The following RALY variants were observed in gnomAD, a reference collection of about 807,000 sequenced individuals.
RALY encodes RALY heterogeneous nuclear ribonucleoprotein, also known as RNA-binding protein Raly.
In RALY, 15 loss-of-function variants were observed where a neutral mutation model predicts 30.7. That is an observed-to-expected ratio of 0.49 (90% CI 0.33 to 0.75). RALY has a LOEUF of 0.75. Among genes scored for constraint, RALY ranks in the 30% least tolerant of loss-of-function variants. RALY has a pLI of 0.02. For synonymous variants in RALY, 177 were observed against 170.8 expected (o/e 1.04, Z -0.28); for missense variants, 339 against 414.3 (o/e 0.82, Z 1.58).
At chr20:34,015,812 C>T (rs1310281162) in intron 1 of RALY, among the ~76,000 whole-genome samples, 2 of 152,028 alleles carry the variant, frequency 1.3e-5, no homozygotes, top group Non-Finnish European at 2.9e-5. Context: ...CTACTTTTCC[C>T]CATCCCTACA....
chr20:34,079,233 G>A (rs957470855), intron 9 of RALY, among the ~76,000 whole-genome samples: 1 of 152,190 alleles, frequency 6.6e-6, no homozygotes, highest in African/African-American at 2.4e-5. Flanking sequence ...GCTGATGATT[G>A]TACCAATATA....
At chr20:34,057,520 A>G (rs964136107) in intron 2 of RALY, among the ~76,000 whole-genome samples, 2 of 152,148 alleles carry the variant, frequency 1.3e-5, no homozygotes, top group African/African-American at 2.4e-5. Flanking sequence ...ACAAAAAATT[A>G]GCTGGGCATG....
intron 4 of RALY, 72 bp downstream of exon 4, chr20:34,073,707 G>A: frequency 1.3e-6 from 2 of 1,542,380 alleles, no homozygotes; most frequent in Admixed American, 3.3e-5. Flanking sequence ...AAATGCTGGT[G>A]TGACAGTGTG....
At chr20:34,014,244 C>T (rs1464579797) in intron 1 of RALY, among the ~76,000 whole-genome samples, 1 of 151,920 alleles carries the variant, frequency 6.6e-6, no homozygotes, top group Non-Finnish European at 1.5e-5. Context: ...TGTTAAAGGA[C>T]GCGTATGTAG....
At chr20:34,072,009 G>C in intron 2 of RALY, 57 bp from the exon 3 acceptor site, 1 of 1,578,360 alleles carries the variant, frequency 6.3e-7, no homozygotes, top group Non-Finnish European at 8.6e-7. Flanking sequence ...TATGGGCCGT[G>C]GGCAGTCCTT....
At chr20:34,005,333 AC>A (rs2031109741) in intron 1 of RALY, among the ~76,000 whole-genome samples, 1 of 151,804 alleles carries the variant, frequency 6.6e-6, no homozygotes, top group Admixed American at 6.6e-5. Context: ...GAGTAGTGAA[AC>A]CCCGTCTCTA....
intron 8 of RALY, among the ~76,000 whole-genome samples, chr20:34,078,053 A>T (rs1177366774): frequency 6.6e-6 from 1 of 152,222 alleles, no homozygotes; most frequent in Admixed American, 6.5e-5. Context: ...GTGAGAACAG[A>T]TGGGCTCATG....
At chr20:34,043,981 A>G (rs2032789159) in intron 2 of RALY, among the ~76,000 whole-genome samples, 1 of 152,064 alleles carries the variant, frequency 6.6e-6, no homozygotes, top group East Asian at 1.9e-4. Flanking sequence ...AGAAGAGGTA[A>G]TATTTGAGTT....
chr20:34,013,574 T>A (rs1167845633), intron 1 of RALY, among the ~76,000 whole-genome samples: 1 of 152,162 alleles, frequency 6.6e-6, no homozygotes, highest in Non-Finnish European at 1.5e-5. Context: ...CAGACTCCTG[T>A]TTATCTTTCA....
chr20:34,069,362 G>A (rs2033663494), intron 2 of RALY, among the ~76,000 whole-genome samples: 2 of 152,200 alleles, frequency 1.3e-5, no homozygotes, highest in Non-Finnish European at 2.9e-5. Context: ...CAGTCAAGGT[G>A]AGTCCTGATC....
At chr20:34,047,488 A>G (rs2032922583) in intron 2 of RALY, among the ~76,000 whole-genome samples, 1 of 152,168 alleles carries the variant, frequency 6.6e-6, no homozygotes, top group South Asian at 2.1e-4. Flanking sequence ...CGGGCAAAAG[A>G]CAGTGTGTTG....
intron 1 of RALY, among the ~76,000 whole-genome samples, chr20:33,996,664 C>T (rs1217368008): frequency 6.6e-6 from 1 of 151,830 alleles, no homozygotes; most frequent in South Asian, 2.1e-4. Flanking sequence ...TAAAATTTAC[C>T]ATTTAACCGT....
At chr20:33,998,568 C>T (rs1303328532) in intron 1 of RALY, among the ~76,000 whole-genome samples, 2 of 151,970 alleles carry the variant, frequency 1.3e-5, no homozygotes, top group East Asian at 1.9e-4. Context: ...TGGATATGGC[C>T]AGACAGGAGA....
At chr20:34,051,734 T>C (rs963347698) in intron 2 of RALY, among the ~76,000 whole-genome samples, 1 of 152,302 alleles carries the variant, frequency 6.6e-6, no homozygotes, top group South Asian at 2.1e-4. Flanking sequence ...TAGCTGGGGC[T>C]ACAGGCGCCT....
At chr20:34,020,034 C>T (rs2031759033) in intron 1 of RALY, among the ~76,000 whole-genome samples, 1 of 152,072 alleles carries the variant, frequency 6.6e-6, no homozygotes, top group South Asian at 2.1e-4. Flanking sequence ...GCATTCCAGC[C>T]TGGGCAACAG....
chr20:34,046,813 CTTTTTTTTT>C (rs61495395), intron 2 of RALY, among the ~76,000 whole-genome samples: 1 of 72,764 alleles, frequency 1.4e-5, no homozygotes, highest in East Asian at 4.1e-4. Context: ...GACCTCCACT[CTTTTTTTTT>C]TTTTTTTTTT....
intron 1 of RALY, among the ~76,000 whole-genome samples, chr20:33,996,854 C>T (rs373754081): frequency 1.3e-5 from 2 of 152,156 alleles, no homozygotes; most frequent in Non-Finnish European, 2.9e-5. Context: ...CTCTAGGAAC[C>T]TCATGTAAGT....
chr20:34,012,232 T>C (rs965713870), intron 1 of RALY, among the ~76,000 whole-genome samples: 9 of 152,204 alleles, frequency 5.9e-5, no homozygotes, highest in African/African-American at 2.2e-4. Context: ...CTAAGGCTTC[T>C]TGGTGCAGCC....
chr20:34,072,397 A>C, intron 3 of RALY, 67 bp downstream of exon 3: 2 of 1,523,264 alleles, frequency 1.3e-6, no homozygotes, highest in Non-Finnish European at 1.8e-6. Flanking sequence ...TCCAGTTCTC[A>C]ACCCCCTTCT....
Sources: allele counts gnomAD v4.1 joint callset (sites outside exome capture counted in the v4.1 genomes callset), GRCh38; gene constraint gnomAD v4.1.1; transcripts MANE v1.5; gene names NCBI Gene and HGNC (gene_info 2026-07-23, HGNC 2026-07-21).